LMCD1: variants seen among roughly 807,000 people sequenced by gnomAD.
LMCD1 encodes LIM and cysteine-rich domains protein 1.
LMCD1 carries 32 observed loss-of-function variants against 42.7 expected under a neutral mutation model. That is an observed-to-expected ratio of 0.75 (90% CI 0.57 to 1.01). LMCD1 has a LOEUF of 1.01. LMCD1 is among the 50% of genes least tolerant of loss of function. The pLI is 0.00. For synonymous variants in LMCD1, 178 were observed against 184.9 expected (o/e 0.96, Z 0.30); for missense variants, 458 against 483.1 (o/e 0.95, Z 0.49).
intron 4 of LMCD1, among the ~76,000 whole-genome samples, chr3:8,554,138 G>A (rs749934628): frequency 1.1e-4 from 16 of 152,088 alleles, no homozygotes; most frequent in African/African-American, 1.9e-4. Context: ...ACAAACTCCC[G>A]GGTTCAAACC....
intron 4 of LMCD1, chr3:8,550,308 T>C (rs1694819017): frequency 2.0e-6 from 2 of 1,002,180 alleles, no homozygotes; most frequent in East Asian, 9.5e-5. Flanking sequence ...TTTGTTTCTA[T>C]GGCAATTAAC....
chr3:8,552,991 G>A (rs1694867624), intron 4 of LMCD1, among the ~76,000 whole-genome samples: 1 of 152,210 alleles, frequency 6.6e-6, no homozygotes, highest in African/African-American at 2.4e-5. Flanking sequence ...CCAAGGTTAT[G>A]TATGTATTTA....
intron 1 of LMCD1, among the ~76,000 whole-genome samples, chr3:8,524,602 A>G (rs547668582): frequency 5.3e-4 from 80 of 152,182 alleles, no homozygotes; most frequent in African/African-American, 1.9e-3. Context: ...TGAAAAGGGA[A>G]TTTTTTTCAG....
intron 1 of LMCD1, among the ~76,000 whole-genome samples, chr3:8,502,718 G>A (rs534221138): frequency 2.6e-5 from 4 of 151,940 alleles, no homozygotes; most frequent in East Asian, 2.0e-4. Context: ...GGGCTGGCCC[G>A]GAGCCCAGAA....
chr3:8,536,184 C>A (rs1226483720), intron 2 of LMCD1, among the ~76,000 whole-genome samples: 1 of 152,178 alleles, frequency 6.6e-6, no homozygotes, highest in Non-Finnish European at 1.5e-5. Context: ...CTCCCTCATC[C>A]CTGCAGTTGG....
chr3:8,521,860 A>G (rs1317709694), intron 1 of LMCD1, among the ~76,000 whole-genome samples: 1 of 152,190 alleles, frequency 6.6e-6, no homozygotes, highest in Non-Finnish European at 1.5e-5. Context: ...ATTCTTAATC[A>G]GAAGGAGAGT....
intron 3 of LMCD1, among the ~76,000 whole-genome samples, chr3:8,541,279 G>A (rs368129971): frequency 6.6e-5 from 10 of 152,210 alleles, no homozygotes; most frequent in Non-Finnish European, 1.5e-4. Context: ...GCCAGGTGCA[G>A]TGGCTCGCAC....
intron 1 of LMCD1, among the ~76,000 whole-genome samples, chr3:8,525,777 C>T (rs547371285): frequency 7.0e-4 from 107 of 152,284 alleles, no homozygotes; most frequent in Middle Eastern, 3.4e-3. Context: ...AATGGTGAGA[C>T]CAAATGATTC....
chr3:8,565,242 C>G (rs775444464), intron 4 of LMCD1, among the ~76,000 whole-genome samples, 190 bp from the exon 5 acceptor site: 16 of 152,044 alleles, frequency 1.1e-4, no homozygotes, highest in Non-Finnish European at 2.2e-4. Flanking sequence ...TTATTTAGTC[C>G]TCGTGAATAG....
rs2125044508 is a variant in LMCD1 at position 8,574,084 on chromosome 3, C to T, written c.*6486C>T. The T allele has an allele frequency of 1.3e-5, 2 of 152,296 alleles. No individual in the cohort carries two copies. Among genetic ancestry groups the T allele is most frequent in the Middle Eastern group, 6.8e-3 (2 of 294 alleles). The allele number at this position is 152,296 out of a possible 1,614,324, so 9.4% of individuals were successfully genotyped here. A position where few individuals can be genotyped will look rare whatever the true frequency, so the allele number is the denominator to read the frequency against. Reference sequence around the variant, plus strand: ...CTGGCTTTATTCTTAGGTAGGCTTACCCAGATAGTCATAAACACAGCCACC... The same window carrying T: ...CTGGCTTTATTCTTAGGTAGGCTTATCCAGATAGTCATAAACACAGCCACC... On this transcript the variant is annotated 3_prime_UTR_variant, in exon 6 of 6. Coordinates refer to ENST00000157600, the MANE Select transcript of LMCD1 (RefSeq NM_014583.4).
At chr3:8,516,189 T>A (rs6802843) in intron 1 of LMCD1, among the ~76,000 whole-genome samples, 71,261 of 151,772 alleles carry the variant, frequency 0.47, 17,467 homozygotes, top group Non-Finnish European at 0.51. Flanking sequence ...GGACATCTCT[T>A]GAGAACAAAC....
chr3:8,540,511 G>C (rs1694603273), intron 3 of LMCD1, among the ~76,000 whole-genome samples: 1 of 152,224 alleles, frequency 6.6e-6, no homozygotes, highest in Non-Finnish European at 1.5e-5. Context: ...CGATGTAAGT[G>C]ACAGAGCCAG....
chr3:8,543,368 T>C (rs1694665242), intron 3 of LMCD1, among the ~76,000 whole-genome samples: 1 of 140,240 alleles, frequency 7.1e-6, no homozygotes, highest in African/African-American at 2.7e-5. Context: ...GAGAAACTGT[T>C]TTAAACTGCT....
intron 3 of LMCD1, among the ~76,000 whole-genome samples, chr3:8,547,769 C>G (rs1694765268): frequency 6.6e-6 from 1 of 151,650 alleles, no homozygotes; most frequent in African/African-American, 2.4e-5. Flanking sequence ...ACCTGTAGTC[C>G]CAGCTACTCG....
chr3:8,501,999 G>T lies in LMCD1; in HGVS notation c.42+19G>T. ...TAAAAAGGTGAGTGGAAAGCTGTTTGTATTTACCCAGATTCTTACTTTTTC... is the reference window on the plus strand; with the variant it reads ...TAAAAAGGTGAGTGGAAAGCTGTTTTTATTTACCCAGATTCTTACTTTTTC... On this transcript the variant is annotated intron_variant, in intron 1 of 5. Transcript: ENST00000157600. 6.4e-7 allele frequency: 1 copy of T among 1,570,026 alleles called. No individual in the cohort carries two copies. Among genetic ancestry groups the T allele is most frequent in the Non-Finnish European group, 8.6e-7 (1 of 1,162,510 alleles).
intron 1 of LMCD1, among the ~76,000 whole-genome samples, chr3:8,519,907 C>A (rs191926650): frequency 7.3e-5 from 11 of 150,768 alleles, no homozygotes; most frequent in Non-Finnish European, 1.5e-4. Context: ...TGTGCACACA[C>A]GTGTGTGTGT....
At chr3:8,509,681 AAC>A in intron 1 of LMCD1, among the ~76,000 whole-genome samples, 1 of 152,134 alleles carries the variant, frequency 6.6e-6, no homozygotes, top group South Asian at 2.1e-4. Flanking sequence ...TCCCCTCCCC[AAC>A]ACACACACAT....
chr3:8,550,055 G>A (rs1397521383), intron 4 of LMCD1: 1 of 1,479,780 alleles, frequency 6.8e-7, no homozygotes, highest in Non-Finnish European at 9.0e-7. Flanking sequence ...CCCATAGGAA[G>A]TGGCAGTGTG....
rs1191061985 is a variant in LMCD1, at chr3:8,574,312, G to A, written c.*6714G>A. On this transcript the variant is annotated 3_prime_UTR_variant, in exon 6 of 6. Coordinates refer to ENST00000157600, the MANE Select transcript of LMCD1 (RefSeq NM_014583.4). The stretch of plus-strand genomic sequence containing the variant: ...CGTGGGCCAACCACTGTGGGGAAGG[G>A]GGAGGGATTAGAAAAGACAGCCACA... 1 of 152,348 alleles carries A rather than the reference G, an allele frequency of 6.6e-6. No homozygotes were observed. Among genetic ancestry groups the A allele is most frequent in the African/African-American group, 2.4e-5 (1 of 41,456 alleles). The allele number at this position is 152,348 out of a possible 1,614,324, so 9.4% of individuals were successfully genotyped here. A position where few individuals can be genotyped will look rare whatever the true frequency, so the allele number is the denominator to read the frequency against.
Sources: gnomAD v4.1 joint callset for allele counts (sites outside exome capture counted in the v4.1 genomes callset) on GRCh38, gnomAD v4.1.1 for gene constraint, MANE v1.5 for transcripts, NCBI Gene and HGNC (gene_info 2026-07-23, HGNC 2026-07-21) for gene names.